Variants in NFE2L2 observed in about 807,000 individuals in gnomAD.
NFE2L2 encodes nuclear factor erythroid 2-related factor 2.
Under a neutral mutation model 49.6 loss-of-function variants are expected in NFE2L2, and 20 were observed. The ratio of observed to expected loss-of-function variants is 0.40; its 90% CI spans 0.28 to 0.59. NFE2L2 has a LOEUF of 0.59. Among genes scored for constraint, NFE2L2 ranks in the 20% least tolerant of loss-of-function variants. NFE2L2 has a pLI of 0.40. For synonymous variants in NFE2L2, 244 were observed against 256.5 expected, an observed-to-expected ratio of 0.95 and a Z score of 0.47; for missense variants, 578 against 714.2, an observed-to-expected ratio of 0.81 and a Z score of 2.17.
intron 1 of NFE2L2, among the ~76,000 whole-genome samples, chr2:177,255,080 T>TAGCA (rs1370486619): frequency 1.3e-5 from 2 of 152,180 alleles, no homozygotes; most frequent in Non-Finnish European, 2.9e-5. Flanking sequence ...TGGAAACCTG[T>TAGCA]AGCACAGAGC....
chr2:177,233,620 G>A (rs1689640900), intron 2 of NFE2L2: 1 of 507,458 alleles, frequency 2.0e-6, no homozygotes, highest in Admixed American at 3.8e-5. Context: ...AATTAATATA[G>A]TTGTGTTAAT....
chr2:177,242,604 A>G (rs1448811968), intron 1 of NFE2L2, among the ~76,000 whole-genome samples: 1 of 152,188 alleles, frequency 6.6e-6, no homozygotes, highest in East Asian at 1.9e-4. Context: ...GTTCCCAAAC[A>G]AGTTCCTCAG....
At chr2:177,235,298 G>A (rs768829042) in intron 1 of NFE2L2, among the ~76,000 whole-genome samples, 2 of 151,746 alleles carry the variant, frequency 1.3e-5, no homozygotes, top group Admixed American at 1.3e-4. Flanking sequence ...AACAACTGGT[G>A]TGGTGGCGCA....
intron 1 of NFE2L2, among the ~76,000 whole-genome samples, chr2:177,243,965 C>A (rs1322496216): frequency 6.7e-6 from 1 of 148,430 alleles, no homozygotes; most frequent in Non-Finnish European, 1.5e-5. Flanking sequence ...ATTTTATTAA[C>A]AATATTATTA....
chr2:177,234,375 G>C (rs1459746239), intron 1 of NFE2L2, 104 bp from the exon 2 acceptor site: 1 of 1,293,572 alleles, frequency 7.7e-7, no homozygotes, highest in African/African-American at 1.5e-5. Flanking sequence ...TGGGAAGTGG[G>C]GAGATTACAA....
chr2:177,243,962 TA>T (rs1168797693), intron 1 of NFE2L2, among the ~76,000 whole-genome samples: 3 of 151,664 alleles, frequency 2.0e-5, no homozygotes, highest in Non-Finnish European at 2.9e-5. Flanking sequence ...TACATTTTAT[TA>T]ACAATATTAT....
intron 1 of NFE2L2, among the ~76,000 whole-genome samples, chr2:177,250,836 G>A (rs1440475150): frequency 1.3e-5 from 2 of 152,184 alleles, no homozygotes; most frequent in Non-Finnish European, 1.5e-5. Context: ...CCTAGCCACC[G>A]AACCTCCCTG....
intron 1 of NFE2L2, among the ~76,000 whole-genome samples, chr2:177,259,346 T>C (rs1574284877): frequency 1.3e-5 from 2 of 152,138 alleles, no homozygotes; most frequent in East Asian, 3.9e-4. Context: ...ACTTATGCCC[T>C]GGACTTGTCT....
Position 177,230,934 on chromosome 2 carries a change from G to C in NFE2L2, c.1669C>G (p.Leu557Val), listed in dbSNP as rs951842587. 7 of 1,613,058 alleles carry C rather than the reference G, an allele frequency of 4.3e-6. No individual in the cohort carries two copies. In the African/African-American group the frequency reaches 9.3e-5, roughly 22 times the overall value. The change falls in exon 5 of 5, where the codon CTC becomes GTC. Residue 557 changes from leucine (L) to valine (V), a missense_variant. By Grantham distance (32) the Leu-to-Val change is conservative. Transcript: ENST00000397062. Reference sequence around the variant, plus strand: ...AAAACTTCGAGATATAAGGTGCTGAGTTGTTTTTTCAGTAGGTGAAGGCTT... The same window carrying C: ...AAAACTTCGAGATATAAGGTGCTGACTTGTTTTTTCAGTAGGTGAAGGCTT... ...DKSLHLLKKQ[L>V]STLYLEVFSM...
At chr2:177,249,163 G>A (rs976131308) in intron 1 of NFE2L2, among the ~76,000 whole-genome samples, 10 of 151,996 alleles carry the variant, frequency 6.6e-5, no homozygotes, top group Non-Finnish European at 1.3e-4. Flanking sequence ...AGGCTGCAGT[G>A]AACCATGTTT....
chr2:177,241,311 CA>C (rs1233859739), intron 1 of NFE2L2, among the ~76,000 whole-genome samples: 3 of 152,176 alleles, frequency 2.0e-5, no homozygotes, highest in African/African-American at 7.2e-5. Flanking sequence ...TACCAGCATT[CA>C]GAGTCTAAGT....
intron 1 of NFE2L2, among the ~76,000 whole-genome samples, chr2:177,260,511 G>A (rs1311555891): frequency 1.3e-5 from 2 of 152,212 alleles, no homozygotes; most frequent in South Asian, 4.1e-4. Context: ...CTAGATAAGA[G>A]TTGAGCCCTT....
chr2:177,235,427 A>T (rs1270955914), intron 1 of NFE2L2, among the ~76,000 whole-genome samples: 2 of 151,914 alleles, frequency 1.3e-5, no homozygotes, highest in Admixed American at 6.6e-5. Flanking sequence ...ACAAAGTGAG[A>T]CCCTGTCTCA....
rs1173117243 is a variant in NFE2L2 at position 177,262,017 on chromosome 2, A to G, written c.45+2515T>C. Among the ~76,000 whole-genome samples the G allele has an allele frequency of 1.9e-4, 29 of 152,234 alleles. 1 individual carries two copies. The highest frequency in any genetic ancestry group is 5.9e-5 in the Non-Finnish European group (4 of 68,030). On this transcript the variant is annotated intron_variant, in intron 1 of 4. Transcript: ENST00000397062. ...TCCTGGTAATCCTAAAGACAGAGTCAGTTTTCCCCCCAACATTGCTTATAA... is the reference window on the plus strand; with the variant it reads ...TCCTGGTAATCCTAAAGACAGAGTCGGTTTTCCCCCCAACATTGCTTATAA...
chr2:177,248,556 T>C (rs6732277), intron 1 of NFE2L2, among the ~76,000 whole-genome samples: 5,469 of 152,240 alleles, frequency 0.036, 354 homozygotes, highest in African/African-American at 0.13. Context: ...ATTACAGGCA[T>C]GCGCCACCAT....
chr2:177,262,686 C>T (rs544076540), intron 1 of NFE2L2, among the ~76,000 whole-genome samples: 2 of 152,130 alleles, frequency 1.3e-5, no homozygotes, highest in Admixed American at 6.5e-5. Context: ...ATATGTTTCA[C>T]GCATTTTTGT....
chr2:177,239,967 AACAG>A (rs1213919372), intron 1 of NFE2L2, among the ~76,000 whole-genome samples: 1 of 151,432 alleles, frequency 6.6e-6, no homozygotes, highest in Non-Finnish European at 1.5e-5. Flanking sequence ...AAAAAAAAAA[AACAG>A]CAGAAGTTAA....
intron 1 of NFE2L2, among the ~76,000 whole-genome samples, chr2:177,245,913 A>C (rs943168765): frequency 1.3e-5 from 2 of 152,136 alleles, no homozygotes; most frequent in Non-Finnish European, 2.9e-5. Flanking sequence ...TCCAGCCTGT[A>C]ATCTTCATTT....
intron 1 of NFE2L2, among the ~76,000 whole-genome samples, chr2:177,251,849 CA>C (rs1346797617): frequency 6.6e-6 from 1 of 151,010 alleles, no homozygotes; most frequent in African/African-American, 2.4e-5. Flanking sequence ...ACTAAAAATA[CA>C]AAAAAATTAG....
Sources: gnomAD v4.1 joint callset for allele counts (sites outside exome capture counted in the v4.1 genomes callset) on GRCh38, gnomAD v4.1.1 for gene constraint, MANE v1.5 for transcripts, NCBI Gene and HGNC (gene_info 2026-07-23, HGNC 2026-07-21) for gene names.